Variants in BMP5 observed in about 807,000 individuals in gnomAD.
BMP5 encodes the protein bone morphogenetic protein 5.
BMP5 carries 23 observed loss-of-function variants against 46.6 expected under a neutral mutation model. The ratio of observed to expected loss-of-function variants is 0.49; its 90% CI spans 0.35 to 0.70. BMP5 has a LOEUF of 0.70. Among genes scored for constraint, BMP5 ranks in the 30% least tolerant of loss-of-function variants. BMP5 has a pLI of 0.00. For synonymous variants in BMP5, 204 were observed against 191.9 expected, an observed-to-expected ratio of 1.06 and a Z score of -0.52; for missense variants, 545 against 565.6, an observed-to-expected ratio of 0.96 and a Z score of 0.37.
rs71874169 is a variant in BMP5, at chr6:55,836,627, T to TACACAC, written c.491-16781_491-16780insGTGTGT. ...ACCAACACACACACAAACACATACA[T>TACACAC]ACATACACACACACACACACACACA... On this transcript the variant is annotated intron_variant, in intron 1 of 6. Coordinates refer to ENST00000370830, the MANE Select transcript of BMP5 (RefSeq NM_021073.4). 8.1e-3 allele frequency among the ~76,000 whole-genome samples: 1,030 copies of TACACAC among 127,326 alleles called. 17 individuals carry two copies. The highest frequency in any genetic ancestry group is 0.029 in the African/African-American group (955 of 33,150). The allele number at this position is 127,326 out of a possible 152,430, so 83.5% of individuals were successfully genotyped here.
At chr6:55,874,041 CT>C (rs917734807) in intron 1 of BMP5, among the ~76,000 whole-genome samples, 5 of 151,790 alleles carry the variant, frequency 3.3e-5, no homozygotes, top group East Asian at 1.9e-4. Context: ...GTAAGTGCTT[CT>C]TTTTTTTATT....
chr6:55,789,742 G>A lies in BMP5; in HGVS notation c.832+4537C>T, dbSNP rs920321951. ...CTTTAAAACCAATTTTGTAAAATTG[G>A]ATATAACATCTTGTCTGGAATGTCT... On this transcript the variant is annotated intron_variant, in intron 3 of 6. Coordinates refer to ENST00000370830, the MANE Select transcript of BMP5 (RefSeq NM_021073.4). 5.3e-5 allele frequency among the ~76,000 whole-genome samples: 8 copies of A among 151,966 alleles called. No homozygotes were observed. The South Asian group carries it at 8.3e-4, about 16-fold the overall frequency.
intron 5 of BMP5, 62 bp from the exon 6 acceptor site, chr6:55,759,177 AAAAAAAC>A (rs1309386936): frequency 2.3e-5 from 19 of 824,760 alleles, no homozygotes; most frequent in African/African-American, 1.1e-4. Flanking sequence ...AAAAAAAAAA[AAAAAAAC>A]AACAAGAAAA....
At chr6:55,807,134 C>A (rs973250687) in intron 2 of BMP5, among the ~76,000 whole-genome samples, 1 of 152,140 alleles carries the variant, frequency 6.6e-6, no homozygotes, top group African/African-American at 2.4e-5. Flanking sequence ...GAGGGGGCAT[C>A]CTTATCTTGT....
intron 6 of BMP5, among the ~76,000 whole-genome samples, chr6:55,756,146 C>G (rs547153920): frequency 1.3e-5 from 2 of 151,872 alleles, no homozygotes; most frequent in East Asian, 3.9e-4. Context: ...ACATTTTAAG[C>G]CAACTCTTAA....
In BMP5 at chr6:55,755,334, A is replaced by T; in HGVS notation, c.*199T>A. The T allele has an allele frequency of 1.9e-6, 1 of 534,890 alleles. No individual in the cohort carries two copies. Among genetic ancestry groups the T allele is most frequent in the Non-Finnish European group, 3.3e-6 (1 of 302,744 alleles). The allele number at this position is 534,890 out of a possible 1,614,324, so 33.1% of individuals were successfully genotyped here. On this transcript the variant is annotated 3_prime_UTR_variant, in exon 7 of 7. Coordinates refer to ENST00000370830, the MANE Select transcript of BMP5 (RefSeq NM_021073.4). The stretch of plus-strand genomic sequence containing the variant: ...TGTAGTGGCCTATGAAATAGATTTT[A>T]TTGATAAAGCCTCCACAGAAGAGAA...
At chr6:55,872,809 T>G (rs959335909) in intron 1 of BMP5, among the ~76,000 whole-genome samples, 4 of 151,868 alleles carry the variant, frequency 2.6e-5, no homozygotes, top group African/African-American at 9.6e-5. Flanking sequence ...TTGAAATTTT[T>G]CTATTAAAAT....
intron 3 of BMP5, among the ~76,000 whole-genome samples, 186 bp downstream of exon 3, chr6:55,794,093 T>C (rs1775646511): frequency 6.6e-6 from 1 of 151,974 alleles, no homozygotes; most frequent in Non-Finnish European, 1.5e-5. Flanking sequence ...AGCCTGACAA[T>C]AAATGTATTG....
chr6:55,769,771 A>G (rs192890608), intron 4 of BMP5, among the ~76,000 whole-genome samples: 64 of 152,072 alleles, frequency 4.2e-4, no homozygotes, highest in Non-Finnish European at 8.1e-4. Flanking sequence ...TCTTTCATGC[A>G]TGGGCAGCAG....
At chr6:55,855,266 G>T (rs557698807) in intron 1 of BMP5, among the ~76,000 whole-genome samples, 48 of 150,862 alleles carry the variant, frequency 3.2e-4, no homozygotes, top group African/African-American at 1.0e-3. Context: ...TATTTATTTT[G>T]GGGGAGAGTG....
At chr6:55,787,030 AG>A (rs1466290599) in intron 3 of BMP5, among the ~76,000 whole-genome samples, 1 of 151,848 alleles carries the variant, frequency 6.6e-6, no homozygotes, top group East Asian at 1.9e-4. Flanking sequence ...TAGTCAAAAC[AG>A]CAGGAGAAAA....
intron 1 of BMP5, among the ~76,000 whole-genome samples, chr6:55,841,386 C>CA (rs1322345770): frequency 2.6e-5 from 4 of 151,762 alleles, no homozygotes; most frequent in Middle Eastern, 3.4e-3. Context: ...TGTTTTTCTC[C>CA]AAAAAAAATT....
At chr6:55,802,497 C>T (rs994034666) in intron 2 of BMP5, among the ~76,000 whole-genome samples, 2 of 152,000 alleles carry the variant, frequency 1.3e-5, no homozygotes, top group Non-Finnish European at 2.9e-5. Context: ...CAGGCATTAT[C>T]GCTAATGGCC....
intron 1 of BMP5, among the ~76,000 whole-genome samples, chr6:55,864,582 C>T (rs1201538516): frequency 6.6e-6 from 1 of 152,028 alleles, no homozygotes; most frequent in Non-Finnish European, 1.5e-5. Context: ...ACAAACTTTT[C>T]CTTATAAATT....
At chr6:55,815,220 C>T (rs1776230027) in intron 2 of BMP5, among the ~76,000 whole-genome samples, 1 of 151,196 alleles carries the variant, frequency 6.6e-6, no homozygotes, top group Non-Finnish European at 1.5e-5. Flanking sequence ...GTAAAACATT[C>T]CAAATACATT....
chr6:55,782,539 G>T (rs1006218265), intron 3 of BMP5, among the ~76,000 whole-genome samples: 16 of 152,140 alleles, frequency 1.1e-4, no homozygotes, highest in African/African-American at 3.9e-4. Flanking sequence ...ATAATAGCTG[G>T]TTTCCAAGAG....
intron 2 of BMP5, among the ~76,000 whole-genome samples, chr6:55,817,182 G>C (rs1027699101): frequency 6.6e-6 from 1 of 152,186 alleles, no homozygotes; most frequent in Non-Finnish European, 1.5e-5. Context: ...CATTGTGGAA[G>C]ATACTGTGGC....
intron 4 of BMP5, among the ~76,000 whole-genome samples, chr6:55,762,771 G>A (rs1774817861): frequency 6.6e-6 from 1 of 152,070 alleles, no homozygotes; most frequent in African/African-American, 2.4e-5. Flanking sequence ...TGGACCAGGG[G>A]TCAGCAAACT....
chr6:55,762,354 A>C (rs1470182040), intron 4 of BMP5, among the ~76,000 whole-genome samples: 1 of 152,182 alleles, frequency 6.6e-6, no homozygotes, highest in Non-Finnish European at 1.5e-5. Flanking sequence ...AAAGGAGCCC[A>C]TCATAGAGGG....
Sources: gnomAD v4.1 joint callset for allele counts (sites outside exome capture counted in the v4.1 genomes callset) on GRCh38, gnomAD v4.1.1 for gene constraint, MANE v1.5 for transcripts, NCBI Gene and HGNC (gene_info 2026-07-23, HGNC 2026-07-21) for gene names.